SEMA4D: variants seen among roughly 807,000 people sequenced by gnomAD.
SEMA4D encodes semaphorin 4D, also known as semaphorin-4D.
In SEMA4D, 22 loss-of-function variants were observed where a neutral mutation model predicts 74.8. The observed-to-expected ratio is 0.29, with a 90% confidence interval of 0.21 to 0.42. The LOEUF (loss-of-function observed/expected upper bound fraction) is 0.42, where lower values mean the gene tolerates loss of function less well. Among genes scored for constraint, SEMA4D ranks in the 10% least tolerant of loss-of-function variants. SEMA4D has a pLI of 1.00. For missense variants in SEMA4D, 937 were observed against 1,118.4 expected (o/e 0.84, Z 2.31); for synonymous variants, 445 against 463.7 (o/e 0.96, Z 0.52).
Position 89,386,392 on chromosome 9 carries a change from T to A in SEMA4D, c.1421A>T (p.Gln474Leu), listed in dbSNP as rs761450132. 6.2e-7 allele frequency: 1 copy of A among 1,613,898 alleles called. No homozygotes were observed. The highest frequency in any genetic ancestry group is 8.5e-7 in the Non-Finnish European group (1 of 1,179,788). The change falls in exon 13 of 16, where the codon CAG (glutamine) becomes CTG (leucine). Residue 474 changes from glutamine to leucine, a missense_variant. Coordinates refer to ENST00000422704, the MANE Select transcript of SEMA4D (RefSeq NM_001371194.2). ...CTTCTTTGAAGACAGCAGCAGGGTC[T>A]GGACTGGCTCAAAGTCCTGGAAGAG... ...TQLFQDFEPVQTLLLSSKKGN... is the reference protein window; with the variant it reads ...TQLFQDFEPVLTLLLSSKKGN...
intron 16 of SEMA4D, chr9:89,368,382 G>C: frequency 6.5e-6 from 1 of 153,108 alleles, no homozygotes. Flanking sequence ...CCTGCTCCCA[G>C]CCTCTTTTCC....
chr9:89,433,774 A>C (rs1849781551), intron 2 of SEMA4D, among the ~76,000 whole-genome samples: 1 of 152,180 alleles, frequency 6.6e-6, no homozygotes, highest in Admixed American at 6.5e-5. Context: ...ATTACACACA[A>C]GAGCATGGCC....
At chr9:89,393,408 G>T (rs1229775543) in intron 7 of SEMA4D, among the ~76,000 whole-genome samples, 154 bp downstream of exon 7, 1 of 152,186 alleles carries the variant, frequency 6.6e-6, no homozygotes, top group African/African-American at 2.4e-5. Flanking sequence ...AAAGTTAAAG[G>T]GTCTATGCAG....
At chr9:89,423,186 CTTT>C (rs11297429) in intron 2 of SEMA4D, among the ~76,000 whole-genome samples, 9 of 144,334 alleles carry the variant, frequency 6.2e-5, no homozygotes, top group Non-Finnish European at 1.1e-4. Context: ...CTAGCTCAAA[CTTT>C]TTTTTTTTTT....
chr9:89,434,386 C>T (rs1017330108), intron 2 of SEMA4D, among the ~76,000 whole-genome samples: 1 of 152,228 alleles, frequency 6.6e-6, no homozygotes, highest in African/African-American at 2.4e-5. Context: ...GGTATGCAGG[C>T]CCTCAAATCT....
intron 1 of SEMA4D, among the ~76,000 whole-genome samples, chr9:89,490,152 A>G (rs766483158): frequency 2.6e-5 from 4 of 152,130 alleles, no homozygotes; most frequent in Non-Finnish European, 5.9e-5. Flanking sequence ...GGCCGTTTGT[A>G]AATCACCTTT....
At chr9:89,382,599 G>C (rs1015957039) in intron 13 of SEMA4D, among the ~76,000 whole-genome samples, 2 of 152,238 alleles carry the variant, frequency 1.3e-5, no homozygotes, top group African/African-American at 2.4e-5. Context: ...AGCAGCAGCA[G>C]AGACCTGGGC....
intron 2 of SEMA4D, among the ~76,000 whole-genome samples, chr9:89,419,518 C>T (rs1846455374): frequency 6.6e-6 from 1 of 152,110 alleles, no homozygotes; most frequent in East Asian, 1.9e-4. Flanking sequence ...GGACAGTGGC[C>T]GCCCAGAGAC....
chr9:89,439,499 A>G (rs1479477496), intron 2 of SEMA4D, among the ~76,000 whole-genome samples: 2 of 152,230 alleles, frequency 1.3e-5, no homozygotes, highest in East Asian at 1.9e-4. Flanking sequence ...TGGTAATATT[A>G]AGAGAAACAC....
chr9:89,361,062 G>A (rs1832722819), exon 19 of SEMA4D: 1 of 152,194 alleles, frequency 6.6e-6, no homozygotes, highest in South Asian at 2.1e-4. Context: ...GTGAGCTGAT[G>A]GATATTTTAC....
At chr9:89,386,320 G>A (rs371672032) in intron 13 of SEMA4D, 47 bp downstream of exon 13, 1 of 1,421,882 alleles carries the variant, frequency 7.0e-7, no homozygotes, top group Admixed American at 1.8e-5. Flanking sequence ...TAGAATCAAA[G>A]CCACCGAGCG....
intron 1 of SEMA4D, among the ~76,000 whole-genome samples, chr9:89,456,246 C>G (rs1469315050): frequency 6.6e-6 from 1 of 152,200 alleles, no homozygotes; most frequent in Non-Finnish European, 1.5e-5. Context: ...CCTGGCCAGG[C>G]ACCAACTTAG....
chr9:89,396,715 G>A, intron 6 of SEMA4D, 22 bp downstream of exon 6: 1 of 1,598,284 alleles, frequency 6.3e-7, no homozygotes, highest in East Asian at 2.2e-5. Context: ...CGTGAGCACA[G>A]GGAGGTGCCC....
At chr9:89,421,837 CAGA>C (rs954172075) in intron 2 of SEMA4D, among the ~76,000 whole-genome samples, 30 of 152,208 alleles carry the variant, frequency 2.0e-4, no homozygotes, top group Admixed American at 7.2e-4. Context: ...ACAGGCTCAT[CAGA>C]AGGATGATTC....
chr9:89,454,798 G>A (rs753534892), intron 2 of SEMA4D, among the ~76,000 whole-genome samples: 6 of 152,202 alleles, frequency 3.9e-5, no homozygotes, highest in Non-Finnish European at 5.9e-5. Flanking sequence ...CCTCGGGGTG[G>A]CGAAGAGACA....
At chr9:89,415,673 T>C (rs1250690395) in intron 2 of SEMA4D, among the ~76,000 whole-genome samples, 1 of 152,226 alleles carries the variant, frequency 6.6e-6, no homozygotes, top group African/African-American at 2.4e-5. Context: ...TGCCAGCGCC[T>C]TGATCTTCGA....
intron 2 of SEMA4D, among the ~76,000 whole-genome samples, chr9:89,426,488 A>G (rs1848131448): frequency 6.6e-6 from 1 of 152,178 alleles, no homozygotes; most frequent in Non-Finnish European, 1.5e-5. Flanking sequence ...CCTTAGCAAC[A>G]GCGTGGCAAA....
Position 89,378,433 on chromosome 9 carries a change from G to A in SEMA4D, c.*271C>T, listed in dbSNP as rs180833374. 11 of 401,918 alleles carry A rather than the reference G, an allele frequency of 2.7e-5. No homozygotes were observed. Among genetic ancestry groups the A allele is most frequent in the Admixed American group, 8.1e-5 (2 of 24,688 alleles). 24.9% of individuals were successfully genotyped at this position (401,918 alleles called of 1,614,324 possible). ...ACTACAGAAAGGGCTCAGGAACTCC[G>A]TGCCGCCCGTGGGCCTTCTTCAAGT... On this transcript the variant is annotated 3_prime_UTR_variant, in exon 16 of 16. Coordinates refer to ENST00000422704, the MANE Select transcript of SEMA4D (RefSeq NM_001371194.2).
At chr9:89,475,201 G>T (rs1861464076) in intron 1 of SEMA4D, among the ~76,000 whole-genome samples, 1 of 152,248 alleles carries the variant, frequency 6.6e-6, no homozygotes, top group Non-Finnish European at 1.5e-5. Context: ...GTGAGAACCA[G>T]TGTCACAGAG....
Sources: allele counts gnomAD v4.1 joint callset (sites outside exome capture counted in the v4.1 genomes callset), GRCh38; gene constraint gnomAD v4.1.1; transcripts MANE v1.5; gene names NCBI Gene and HGNC (gene_info 2026-07-23, HGNC 2026-07-21).